The following ST7 variants were observed in gnomAD, a reference collection of about 807,000 sequenced individuals.
The protein encoded by ST7 is suppression of tumorigenicity 7, also known as suppressor of tumorigenicity 7 protein.
In ST7, 28 loss-of-function variants were observed where a neutral mutation model predicts 78.7. The ratio of observed to expected loss-of-function variants is 0.36; its 90% CI spans 0.26 to 0.49. The LOEUF is 0.49. ST7 is among the 20% of genes least tolerant of loss of function. The pLI is 0.99. For missense variants in ST7, 418 were observed against 696.0 expected, an observed-to-expected ratio of 0.60 and a Z score of 4.49; for synonymous variants, 247 against 249.6, an observed-to-expected ratio of 0.99 and a Z score of 0.10.
chr7:117,021,342 A>G (rs1323908206), intron 1 of ST7, among the ~76,000 whole-genome samples: 2 of 152,232 alleles, frequency 1.3e-5, no homozygotes, highest in African/African-American at 4.8e-5. Flanking sequence ...AGGATTATTT[A>G]ATGTTGATAT....
chr7:117,017,821 A>G (rs140295564), intron 1 of ST7, among the ~76,000 whole-genome samples: 34 of 152,274 alleles, frequency 2.2e-4, no homozygotes, highest in African/African-American at 7.9e-4. Flanking sequence ...TGTGGATCCA[A>G]ACGTTCTAAA....
intron 13 of ST7, among the ~76,000 whole-genome samples, chr7:117,210,595 C>T (rs910966541): frequency 3.3e-5 from 5 of 152,086 alleles, no homozygotes; most frequent in East Asian, 1.9e-4. Flanking sequence ...ACCAGCAGCA[C>T]GTGGCAGCTG....
At chr7:117,082,141 A>G (rs190212167) in intron 1 of ST7, among the ~76,000 whole-genome samples, 74 of 152,296 alleles carry the variant, frequency 4.9e-4, no homozygotes, top group Non-Finnish European at 8.5e-4. Context: ...CTTAAAGTCA[A>G]TGGATTGTGT....
chr7:117,189,545 T>C, intron 11 of ST7, 152 bp downstream of exon 11: 2 of 523,786 alleles, frequency 3.8e-6, no homozygotes. Flanking sequence ...TCTTTCACTA[T>C]TGGAAGGAGG....
At chr7:117,212,164 A>G (rs1792349218) in intron 13 of ST7, among the ~76,000 whole-genome samples, 1 of 152,222 alleles carries the variant, frequency 6.6e-6, no homozygotes, top group Non-Finnish European at 1.5e-5. Flanking sequence ...GAATGCCACG[A>G]ACCTTGAAGA....
chr7:117,144,364 A>C (rs2117110601), intron 9 of ST7: 1 of 152,180 alleles, frequency 6.6e-6, no homozygotes, highest in South Asian at 2.1e-4. Flanking sequence ...TCAGTGGCTC[A>C]CACTTGTAAT....
At chr7:117,104,229 C>T (rs1362450022) in intron 2 of ST7, among the ~76,000 whole-genome samples, 3 of 152,110 alleles carry the variant, frequency 2.0e-5, no homozygotes, top group African/African-American at 7.2e-5. Flanking sequence ...TCACATGAGG[C>T]CAGGAGTTCG....
At chr7:117,075,561 G>T (rs1163546272) in intron 1 of ST7, among the ~76,000 whole-genome samples, 1 of 152,202 alleles carries the variant, frequency 6.6e-6, no homozygotes, top group Non-Finnish European at 1.5e-5. Context: ...GAGATGGAAA[G>T]ATGTGTTTGT....
chr7:117,122,709 T>C (rs1051837032), intron 3 of ST7, among the ~76,000 whole-genome samples: 3 of 152,300 alleles, frequency 2.0e-5, no homozygotes, highest in African/African-American at 7.2e-5. Flanking sequence ...TCTGCCCACT[T>C]CTTGACATTT....
intron 1 of ST7, among the ~76,000 whole-genome samples, chr7:117,011,778 C>T (rs6466599): frequency 0.98 from 149,590 of 152,268 alleles, 73,545 homozygotes; most frequent in East Asian, 1. Context: ...GAACGTTATA[C>T]GTTTTGGAGA....
rs113149224 is a variant in ST7, at chr7:117,171,735, G to A, written c.1078+759G>A. 1.6e-3 allele frequency among the ~76,000 whole-genome samples: 240 copies of A among 152,072 alleles called. 1 individual carries two copies. The highest frequency in any genetic ancestry group is 3.5e-3 in the African/African-American group (145 of 41,470). On this transcript the variant is annotated intron_variant, in intron 10 of 15. Transcript: ENST00000323984. ...CCACGACATTGTTACTGAAATATCT[G>A]CAGAGCTTCATACTATTCTGCCTCA...
chr7:117,143,394 A>G (rs540759492), intron 9 of ST7, among the ~76,000 whole-genome samples: 6 of 151,978 alleles, frequency 3.9e-5, no homozygotes, highest in African/African-American at 1.2e-4. Context: ...AGAAAACTAT[A>G]CTCTTAGTTT....
At chr7:117,100,131 A>G (rs909960050) in intron 2 of ST7, among the ~76,000 whole-genome samples, 1 of 152,220 alleles carries the variant, frequency 6.6e-6, no homozygotes, top group African/African-American at 2.4e-5. Context: ...GTCAAATTTT[A>G]CTATCTAAGA....
intron 1 of ST7, among the ~76,000 whole-genome samples, chr7:117,034,334 A>G (rs1796770176): frequency 6.6e-6 from 1 of 152,184 alleles, no homozygotes; most frequent in Non-Finnish European, 1.5e-5. Context: ...TTAGTCATTT[A>G]TGTTATTGCT....
At chr7:117,193,427 A>G (rs1809987596) in intron 12 of ST7, among the ~76,000 whole-genome samples, 1 of 152,186 alleles carries the variant, frequency 6.6e-6, no homozygotes. Context: ...TATTTTTCAT[A>G]ACAACTCTGT....
At chr7:117,210,171 G>A in intron 13 of ST7, among the ~76,000 whole-genome samples, 1 of 152,188 alleles carries the variant, frequency 6.6e-6, no homozygotes, top group Admixed American at 6.5e-5. Context: ...TATAGATGGG[G>A]TGAACCCAGA....
At chr7:117,141,916 C>T (rs1219152284) in intron 9 of ST7, among the ~76,000 whole-genome samples, 1 of 152,092 alleles carries the variant, frequency 6.6e-6, no homozygotes, top group Non-Finnish European at 1.5e-5. Flanking sequence ...GTAATCCACC[C>T]ACTTCGGCCT....
intron 1 of ST7, among the ~76,000 whole-genome samples, chr7:117,029,609 T>C (rs867457535): frequency 1.3e-5 from 2 of 152,290 alleles, no homozygotes; most frequent in Admixed American, 6.5e-5. Flanking sequence ...TCTTCTGTCC[T>C]ATGTAAAAAT....
At chr7:117,168,710 CG>C (rs1174856860) in intron 9 of ST7, among the ~76,000 whole-genome samples, 1 of 152,024 alleles carries the variant, frequency 6.6e-6, no homozygotes, top group African/African-American at 2.4e-5. Context: ...AGGGGTTTTT[CG>C]TTAGTAATAT....
Sources: gnomAD v4.1 joint callset for allele counts (sites outside exome capture counted in the v4.1 genomes callset) on GRCh38, gnomAD v4.1.1 for gene constraint, MANE v1.5 for transcripts, NCBI Gene and HGNC (gene_info 2026-07-23, HGNC 2026-07-21) for gene names.